The following MARK3 variants were observed in gnomAD, a reference collection of about 807,000 sequenced individuals.
MARK3 encodes the protein MAP/microtubule affinity-regulating kinase 3.
In MARK3, 46 loss-of-function variants were observed where a neutral mutation model predicts 90.1. The observed-to-expected ratio is 0.51, with a 90% CI of 0.40 to 0.65. The LOEUF (loss-of-function observed/expected upper bound fraction) is 0.65. Ranked by LOEUF, MARK3 falls within the 30% of genes least tolerant of loss-of-function variation. The probability of loss-of-function intolerance (pLI) is 0.00; values close to 1 mark genes in which losing one functional copy is unlikely to be tolerated. For synonymous variants in MARK3, 321 were observed against 332.6 expected, an observed-to-expected ratio of 0.97 and a Z score of 0.38; for missense variants, 818 against 947.2, an observed-to-expected ratio of 0.86 and a Z score of 1.79.
intron 3 of MARK3, among the ~76,000 whole-genome samples, chr14:103,447,900 G>T (rs577087201): frequency 6.6e-6 from 1 of 152,222 alleles, no homozygotes; most frequent in Admixed American, 6.5e-5. Context: ...AGCCTCCCGA[G>T]TAGCTGGGAC....
At chr14:103,487,386 G>T (rs976061271) in intron 14 of MARK3, among the ~76,000 whole-genome samples, 3 of 151,414 alleles carry the variant, frequency 2.0e-5, no homozygotes, top group African/African-American at 7.3e-5. Context: ...TAGGTCTCTA[G>T]AGGATCCATT....
At chr14:103,407,585 G>A (rs1397419862) in intron 2 of MARK3, among the ~76,000 whole-genome samples, 11 of 70,654 alleles carry the variant, frequency 1.6e-4, no homozygotes, top group Non-Finnish European at 2.2e-4. Flanking sequence ...TTTTTGAGAC[G>A]GAGTCTAGCT....
At chr14:103,393,516 G>A (rs1056092350) in intron 1 of MARK3, among the ~76,000 whole-genome samples, 8 of 152,096 alleles carry the variant, frequency 5.3e-5, no homozygotes, top group Non-Finnish European at 1.0e-4. Flanking sequence ...CAGTTTTCAG[G>A]GAAAGATCTT....
At chr14:103,437,980 A>G (rs2092756122) in intron 3 of MARK3, among the ~76,000 whole-genome samples, 1 of 152,154 alleles carries the variant, frequency 6.6e-6, no homozygotes, top group Non-Finnish European at 1.5e-5. Context: ...ACTTTTCACA[A>G]CAGTCCTGTG....
chr14:103,395,340 T>C (rs1693686259), intron 1 of MARK3, among the ~76,000 whole-genome samples: 1 of 145,728 alleles, frequency 6.9e-6, no homozygotes, highest in African/African-American at 2.6e-5. Flanking sequence ...GTTTTTTTTT[T>C]TTTAAATCAA....
intron 13 of MARK3, among the ~76,000 whole-genome samples, chr14:103,479,750 A>AGCCTCCTG (rs1188915167): frequency 1.1e-4 from 17 of 147,862 alleles, no homozygotes; most frequent in African/African-American, 4.3e-4. Flanking sequence ...CTCCTACCTC[A>AGCCTCCTG]GCCTCCTGGC....
chr14:103,407,118 C>T (rs899264356), intron 2 of MARK3, among the ~76,000 whole-genome samples: 17 of 152,236 alleles, frequency 1.1e-4, no homozygotes, highest in African/African-American at 3.6e-4. Context: ...GCGTGAGCCA[C>T]CACGCCTGGC....
intron 3 of MARK3, among the ~76,000 whole-genome samples, chr14:103,441,156 T>A (rs1238774813): frequency 2.0e-5 from 3 of 152,222 alleles, no homozygotes; most frequent in East Asian, 1.9e-4. Context: ...ACACACCTTC[T>A]ACTTGATGGT....
chr14:103,462,129 A>G (rs1196375312), intron 6 of MARK3, among the ~76,000 whole-genome samples: 1 of 152,044 alleles, frequency 6.6e-6, no homozygotes, highest in East Asian at 1.9e-4. Flanking sequence ...TCCTGGCACT[A>G]CACTGTAAGT....
chr14:103,386,545 T>A (rs2089818063), intron 1 of MARK3, among the ~76,000 whole-genome samples: 1 of 152,246 alleles, frequency 6.6e-6, no homozygotes, highest in African/African-American at 2.4e-5. Flanking sequence ...TCTCGTTCTT[T>A]AAGATGGTCT....
chr14:103,430,296 A>G (rs533784814), intron 3 of MARK3, among the ~76,000 whole-genome samples: 46 of 152,184 alleles, frequency 3.0e-4, no homozygotes, highest in Admixed American at 2.8e-3. Flanking sequence ...TCATATGCTT[A>G]TGAAGTAAAT....
chr14:103,389,943 CAAA>C (rs71126011), intron 1 of MARK3, among the ~76,000 whole-genome samples: 15 of 29,618 alleles, frequency 5.1e-4, no homozygotes, highest in African/African-American at 1.2e-3. Context: ...TACTCCGTCT[CAAA>C]AAAAAAAAAA....
chr14:103,462,492 T>G, intron 7 of MARK3, 31 bp downstream of exon 7: 1 of 1,545,924 alleles, frequency 6.5e-7, no homozygotes. Context: ...CAGTGTATGC[T>G]CTGTCTGTTT....
intron 14 of MARK3, chr14:103,491,062 T>A (rs1310385834): frequency 7.8e-7 from 1 of 1,288,254 alleles, no homozygotes; most frequent in Admixed American, 2.3e-5. Flanking sequence ...CACCCCAAGA[T>A]GATGTTACCT....
intron 5 of MARK3, among the ~76,000 whole-genome samples, chr14:103,453,728 T>C (rs1019127742): frequency 2.6e-5 from 4 of 152,188 alleles, no homozygotes; most frequent in African/African-American, 9.7e-5. Flanking sequence ...CACAGAGTAA[T>C]GTTCATAGCC....
intron 1 of MARK3, among the ~76,000 whole-genome samples, chr14:103,395,574 G>A (rs900885324): frequency 3.3e-5 from 5 of 152,070 alleles, no homozygotes; most frequent in African/African-American, 1.2e-4. Flanking sequence ...TGCCTTTCCT[G>A]TTCGATCCAT....
chr14:103,500,047 G>T lies in MARK3; in HGVS notation c.1872-109G>T, dbSNP rs773526961. 3 of 851,798 alleles carry T rather than the reference G, an allele frequency of 3.5e-6. No homozygotes were observed. The East Asian group carries it at 8.0e-5, about 23-fold the overall frequency. The allele number at this position is 851,798 out of a possible 1,614,324, so 52.8% of individuals were successfully genotyped here. A position where few individuals can be genotyped will look rare whatever the true frequency, so the allele number is the denominator to read the frequency against. On this transcript the variant is annotated intron_variant, in intron 16 of 17. Coordinates refer to ENST00000429436, the MANE Select transcript of MARK3 (RefSeq NM_001128918.3). ...CGGCTGGTGTTTAAAACGTGTTTTG[G>T]CTTTGTTCATTTTATGGTGTTGGTG...
At chr14:103,404,852 ATTTC>A (rs1317805109) in intron 1 of MARK3, among the ~76,000 whole-genome samples, 2 of 152,026 alleles carry the variant, frequency 1.3e-5, no homozygotes, top group Non-Finnish European at 2.9e-5. Flanking sequence ...AAAATATCTA[ATTTC>A]TTCCTGAACA....
intron 4 of MARK3, 115 bp downstream of exon 4, chr14:103,449,082 C>A (rs1309590392): frequency 2.8e-5 from 32 of 1,153,966 alleles, no homozygotes; most frequent in Non-Finnish European, 3.9e-5. Flanking sequence ...AATATATATA[C>A]AAGTTGTTGA....
Sources: gnomAD v4.1 joint callset for allele counts (sites outside exome capture counted in the v4.1 genomes callset) on GRCh38, gnomAD v4.1.1 for gene constraint, MANE v1.5 for transcripts, NCBI Gene and HGNC (gene_info 2026-07-23, HGNC 2026-07-21) for gene names.